The following AFG1L variants were observed in gnomAD, a reference collection of about 807,000 sequenced individuals.
AFG1L encodes AFG1-like ATPase.
Under a neutral mutation model 62.2 loss-of-function variants are expected in AFG1L, and 53 were observed. That is an observed-to-expected ratio of 0.85 (90% CI 0.68 to 1.07). The LOEUF (loss-of-function observed/expected upper bound fraction) is 1.07, where lower values mean the gene tolerates loss of function less well. Ranked by LOEUF, AFG1L falls within the 50% of genes least tolerant of loss-of-function variation. The probability of loss-of-function intolerance (pLI) is 0.00; values close to 1 mark genes in which losing one functional copy is unlikely to be tolerated. For synonymous variants in AFG1L, 228 were observed against 210.3 expected, an observed-to-expected ratio of 1.08 and a Z score of -0.73; for missense variants, 555 against 590.5, an observed-to-expected ratio of 0.94 and a Z score of 0.62.
At chr6:108,431,346 C>T (rs538145179) in intron 7 of AFG1L, among the ~76,000 whole-genome samples, 4 of 152,154 alleles carry the variant, frequency 2.6e-5, no homozygotes, top group South Asian at 2.1e-4. Flanking sequence ...TCAGGCGATC[C>T]GCCTGCCTCA....
chr6:108,361,839 C>T (rs1779543424), intron 5 of AFG1L, among the ~76,000 whole-genome samples: 1 of 152,186 alleles, frequency 6.6e-6, no homozygotes. Context: ...TCTGGTGCCC[C>T]TTACCCACCT....
intron 6 of AFG1L, among the ~76,000 whole-genome samples, chr6:108,392,803 G>C (rs1781114151): frequency 6.6e-6 from 1 of 152,002 alleles, no homozygotes; most frequent in South Asian, 2.1e-4. Flanking sequence ...ATAATTTATA[G>C]GAAACCTCCT....
chr6:108,301,173 C>T (rs1776985064), intron 1 of AFG1L, among the ~76,000 whole-genome samples: 1 of 152,144 alleles, frequency 6.6e-6, no homozygotes, highest in Non-Finnish European at 1.5e-5. Context: ...CTCTCATCGC[C>T]ATCTTGGTTT....
chr6:108,431,222 G>T (rs1397864681), intron 7 of AFG1L, among the ~76,000 whole-genome samples: 1 of 151,744 alleles, frequency 6.6e-6, no homozygotes, highest in Non-Finnish European at 1.5e-5. Context: ...TTCTGCCTCA[G>T]CCTCCTGAGT....
At chr6:108,394,340 G>A (rs1346406317) in intron 6 of AFG1L, among the ~76,000 whole-genome samples, 1 of 151,884 alleles carries the variant, frequency 6.6e-6, no homozygotes, top group African/African-American at 2.4e-5. Flanking sequence ...GTAGAGATGG[G>A]GTTTCACCAT....
chr6:108,407,929 G>C lies in AFG1L; in HGVS notation c.807+5875G>C, dbSNP rs116172654. Among the ~76,000 whole-genome samples, 601 of 152,166 alleles carry C rather than the reference G, an allele frequency of 3.9e-3. 7 individuals carry two copies. Among genetic ancestry groups the C allele is most frequent in the African/African-American group, 0.014 (573 of 41,514 alleles). ...CTTGTCTGCTAATTCCATCATTTCT[G>C]GTTATGTTTCTATGGTTTGATTTTT... On this transcript the variant is annotated intron_variant, in intron 7 of 12. Transcript: ENST00000368977.
At chr6:108,418,818 CATT>C (rs1382308849) in intron 7 of AFG1L, among the ~76,000 whole-genome samples, 1 of 152,134 alleles carries the variant, frequency 6.6e-6, no homozygotes, top group African/African-American at 2.4e-5. Context: ...CATTTGTAAA[CATT>C]ATTTAAAATT....
intron 7 of AFG1L, among the ~76,000 whole-genome samples, chr6:108,441,219 T>G (rs759089023): frequency 3.9e-5 from 6 of 152,202 alleles, no homozygotes; most frequent in Non-Finnish European, 8.8e-5. Context: ...AGATGGCTGT[T>G]TTTCTAATGG....
chr6:108,487,068 A>T (rs1773600517), intron 10 of AFG1L, among the ~76,000 whole-genome samples: 1 of 152,232 alleles, frequency 6.6e-6, no homozygotes, highest in Admixed American at 6.5e-5. Context: ...AATATAAAAG[A>T]AGTCAGTAAG....
intron 6 of AFG1L, among the ~76,000 whole-genome samples, chr6:108,372,307 G>A (rs1406987440): frequency 6.7e-6 from 1 of 149,356 alleles, no homozygotes; most frequent in Non-Finnish European, 1.5e-5. Flanking sequence ...AGCTATGAAG[G>A]TCAATTACCA....
chr6:108,482,755 G>T (rs1773375434), intron 10 of AFG1L, among the ~76,000 whole-genome samples: 1 of 151,678 alleles, frequency 6.6e-6, no homozygotes, highest in East Asian at 1.9e-4. Flanking sequence ...GATTAGACTG[G>T]AATGATGGTC....
intron 7 of AFG1L, among the ~76,000 whole-genome samples, chr6:108,446,051 T>TACACACACACACACAC (rs67384163): frequency 4.9e-5 from 7 of 141,894 alleles, no homozygotes; most frequent in South Asian, 4.7e-4. Context: ...TATGTAGAGA[T>TACACACACACACACAC]ACACACACAC....
chr6:108,349,776 G>A lies in AFG1L; in HGVS notation c.415+2737G>A, dbSNP rs375072376. On this transcript the variant is annotated intron_variant, in intron 3 of 12. Transcript: ENST00000368977. Reference sequence around the variant, plus strand: ...ACAAAAAAATTAAAAAATTAGCTGAGCATGGTGGTGTGTGCCTGTGGTTCC... The same window carrying A: ...ACAAAAAAATTAAAAAATTAGCTGAACATGGTGGTGTGTGCCTGTGGTTCC... 3.3e-5 allele frequency among the ~76,000 whole-genome samples: 5 copies of A among 152,096 alleles called. No homozygotes were observed. The East Asian group carries it at 9.7e-4, about 29-fold the overall frequency.
intron 2 of AFG1L, among the ~76,000 whole-genome samples, chr6:108,338,363 A>G (rs1778549170): frequency 6.6e-6 from 1 of 152,206 alleles, no homozygotes; most frequent in Admixed American, 6.5e-5. Flanking sequence ...CAAAATGTGA[A>G]ATATTTAAGA....
intron 7 of AFG1L, among the ~76,000 whole-genome samples, chr6:108,441,731 A>ATATATATATATAT (rs1771562340): frequency 7.1e-6 from 1 of 141,014 alleles, no homozygotes; most frequent in Non-Finnish European, 1.5e-5. Context: ...ATATATATAT[A>ATATATATATATAT]AACTGAGTGT....
intron 7 of AFG1L, among the ~76,000 whole-genome samples, chr6:108,444,286 TA>T (rs1004807801): frequency 3.3e-5 from 5 of 152,164 alleles, no homozygotes; most frequent in African/African-American, 7.2e-5. Context: ...AAACCTTAAT[TA>T]AAAAAATACT....
At chr6:108,351,685 T>C (rs908593315) in intron 3 of AFG1L, among the ~76,000 whole-genome samples, 1 of 152,202 alleles carries the variant, frequency 6.6e-6, no homozygotes, top group African/African-American at 2.4e-5. Context: ...ATAAGCATAT[T>C]AACTATATGT....
chr6:108,456,943 C>T (rs1273180862), intron 8 of AFG1L, among the ~76,000 whole-genome samples: 2 of 152,098 alleles, frequency 1.3e-5, no homozygotes, highest in East Asian at 1.9e-4. Flanking sequence ...TAGGCTATAC[C>T]GTACACCACA....
At position 108,386,415 on chromosome 6, in the gene AFG1L, A is replaced by G. The variant is rs567341554; in HGVS notation, c.749-15581A>G. On this transcript the variant is annotated intron_variant, in intron 6 of 12. Coordinates refer to ENST00000368977, the MANE Select transcript of AFG1L (RefSeq NM_145315.5). ...GGCAGAGGTTGCAGTGAGCCAAGATAGTGCCATTGCACTCCAGCTTAGACA... is the reference window on the plus strand; with the variant it reads ...GGCAGAGGTTGCAGTGAGCCAAGATGGTGCCATTGCACTCCAGCTTAGACA... 6.6e-5 allele frequency among the ~76,000 whole-genome samples: 10 copies of G among 152,068 alleles called. No homozygotes were observed. In the East Asian group the frequency reaches 1.5e-3, roughly 23 times the overall value.
Sources: allele counts gnomAD v4.1 joint callset (sites outside exome capture counted in the v4.1 genomes callset), GRCh38; gene constraint gnomAD v4.1.1; transcripts MANE v1.5; gene names NCBI Gene and HGNC (gene_info 2026-07-23, HGNC 2026-07-21).